MYO1C: variants seen among roughly 807,000 people sequenced by gnomAD.
MYO1C encodes the protein myosin IC.
Under a neutral mutation model 150.8 loss-of-function variants are expected in MYO1C, and 104 were observed. The ratio of observed to expected loss-of-function variants is 0.69; its 90% confidence interval spans 0.59 to 0.81. MYO1C has a LOEUF of 0.81. Ranked by LOEUF, MYO1C falls within the 30% of genes least tolerant of loss-of-function variation. MYO1C has a pLI of 0.00. For missense variants in MYO1C, 1,504 were observed against 1,435.0 expected (o/e 1.05, Z -0.78); for synonymous variants, 663 against 579.9 (o/e 1.14, Z -2.06).
Position 1,470,442 on chromosome 17 carries a change from T to C in MYO1C, c.2359A>G (p.Ile787Val). ...AGGCACCCTGGCGCTCACCGCCGGA[T>C]GGTCTGTGCCGCCCACTTCCTCTTG... ...AAKRKWAAQT[I>V]RRLIRGFVLR... is the part of the protein sequence containing the mutation. The change falls in exon 23 of 32, where the codon ATC becomes GTC. Residue 787 changes from isoleucine (I) to valine (V), a missense_variant. Transcript: ENST00000648651. 1.3e-6 allele frequency: 2 copies of C among 1,550,486 alleles called. No individual in the cohort carries two copies. Among genetic ancestry groups the C allele is most frequent in the Non-Finnish European group, 1.7e-6 (2 of 1,147,022 alleles).
Position 1,484,322 on chromosome 17 carries a change from A to G in MYO1C, c.76-19T>C, listed in dbSNP as rs1390743470. On this transcript the variant is annotated intron_variant, in intron 1 of 31. Coordinates refer to ENST00000648651, the MANE Select transcript of MYO1C (RefSeq NM_001080779.2). ...CCAGGGCCTGCAGAGAATGGGCCAC[A>G]GAAGAGGGTCAGAGTCATCGGGGGC... 1.2e-6 allele frequency: 2 copies of G among 1,607,220 alleles called. No individual in the cohort carries two copies. The highest frequency in any genetic ancestry group is 1.7e-5 in the Admixed American group (1 of 60,008).
At chr17:1,477,696 G>T in intron 13 of MYO1C, 100 bp from the exon 14 acceptor site, 1 of 1,058,062 alleles carries the variant, frequency 9.5e-7, no homozygotes, top group Non-Finnish European at 1.5e-6. Flanking sequence ...CAGGGGAGGG[G>T]CAGATCACAG....
intron 21 of MYO1C, 117 bp downstream of exon 21, chr17:1,470,954 C>T (rs761001048): frequency 4.3e-5 from 50 of 1,173,112 alleles, no homozygotes; most frequent in Non-Finnish European, 5.3e-5. Flanking sequence ...TGGAGCTGGG[C>T]GTGGGGCTGG....
Position 1,470,263 on chromosome 17 carries a change from C to G in MYO1C, c.2438G>C (p.Arg813Pro), listed in dbSNP as rs377675305. ...CCTCAGGTTTAGCAAAAAAGAGGTGCGCACATGGTCCAGGAAGAAGGCGTT... is the reference window on the plus strand; with the variant it reads ...CCTCAGGTTTAGCAAAAAAGAGGTGGGCACATGGTCCAGGAAGAAGGCGTT... Reference protein sequence around the residue: ...PENAFFLDHVRTSFLLNLRRQ... With the variant: ...PENAFFLDHVPTSFLLNLRRQ... The change falls in exon 24 of 32, where the codon CGC (arginine) becomes CCC (proline). Residue 813 changes from arginine (R) to proline (P), a missense_variant. Physicochemically the swap from Arg to Pro is moderately radical, Grantham distance 103. Transcript: ENST00000648651. 9 of 1,603,224 alleles carry G rather than the reference C, an allele frequency of 5.6e-6. No individual in the cohort carries two copies. The highest frequency in any genetic ancestry group is 6.0e-6 in the Non-Finnish European group (7 of 1,175,788).
chr17:1,482,535 G>C lies in MYO1C; in HGVS notation c.570C>G (p.Leu190=). 6.2e-7 allele frequency: 1 copy of C among 1,614,056 alleles called. No homozygotes were observed. The highest frequency in any genetic ancestry group is 1.1e-5 in the South Asian group (1 of 91,082). ...CGAACCTGCTGGAGTTATCGTTCCG[G>C]AGGGTCTTGGCATTTCCAAAGGCCT... The part of the protein sequence containing the change: ...VLEAFGNAKT[L]RNDNSSRFGK... The change falls in exon 5 of 32, where the codon CTC becomes CTG. Residue 190 remains leucine (L), a synonymous_variant. Transcript: ENST00000648651.
chr17:1,481,374 G>A, intron 5 of MYO1C: 1 of 179,218 alleles, frequency 5.6e-6, no homozygotes, highest in Non-Finnish European at 1.2e-5. Flanking sequence ...CACCACACTG[G>A]TCTGAGCCAA....
intron 31 of MYO1C, among the ~76,000 whole-genome samples, chr17:1,466,605 G>C (rs2074176070): frequency 6.6e-6 from 1 of 150,448 alleles, no homozygotes; most frequent in Non-Finnish European, 1.5e-5. Context: ...TGGGATTACA[G>C]GCGTGAGCCA....
chr17:1,472,678 A>T (rs1468989245), intron 17 of MYO1C, among the ~76,000 whole-genome samples: 1 of 152,186 alleles, frequency 6.6e-6, no homozygotes, highest in South Asian at 2.1e-4. Flanking sequence ...GTGTTCCGAG[A>T]GTAGCAGGTG....
intron 14 of MYO1C, chr17:1,477,250 C>T (rs2074418804): frequency 1.9e-6 from 1 of 516,138 alleles, no homozygotes; most frequent in Non-Finnish European, 3.5e-6. Context: ...TTGATCCTAG[C>T]TCACTGCAAC....
rs1272772826 is a variant in MYO1C at position 1,471,253 on chromosome 17, C to T, written c.2105G>A (p.Gly702Asp). ...CATCTTGTACTCTTCTGGCTTGTAG[C>T]CCAGGTGTCGGACCAGCACAGCCAC... ...DGVAVLVRHLGYKPEEYKMGR... is the reference protein window; with the variant it reads ...DGVAVLVRHLDYKPEEYKMGR... The change falls in exon 20 of 32, where the codon GGC becomes GAC. Residue 702 changes from glycine to aspartate, a missense_variant. Physicochemically the swap from Gly to Asp is moderately conservative, Grantham distance 94. Coordinates refer to ENST00000648651, the MANE Select transcript of MYO1C (RefSeq NM_001080779.2). 3.1e-6 allele frequency: 5 copies of T among 1,613,954 alleles called. No homozygotes were observed. In the South Asian group the frequency reaches 4.4e-5, roughly 14 times the overall value.
chr17:1,480,837 G>C lies in MYO1C; in HGVS notation c.676C>G (p.Arg226Gly). 6.2e-7 allele frequency: 1 copy of C among 1,614,160 alleles called. No individual in the cohort carries two copies. Among genetic ancestry groups the C allele is most frequent in the Non-Finnish European group, 8.5e-7 (1 of 1,180,036 alleles). ...HILSYLLEKS[R>G]VVHQNHGERN... is the part of the protein sequence containing the mutation. ...TCCCCATGATTCTGGTGCACCACTC[G>C]TGACTTTTCCAGGAGGTAACTGAGG... The change falls in exon 6 of 32, where the codon CGA (arginine) becomes GGA (glycine). Residue 226 changes from arginine to glycine, a missense_variant. Arg to Gly is a moderately radical substitution (Grantham distance 125). Coordinates refer to ENST00000648651, the MANE Select transcript of MYO1C (RefSeq NM_001080779.2).
chr17:1,477,528 G>C lies in MYO1C; in HGVS notation c.1551C>G (p.Val517=). Residue 517 remains valine, a synonymous_variant, in exon 14 of 32, where the codon GTC becomes GTG. Coordinates refer to ENST00000648651, the MANE Select transcript of MYO1C (RefSeq NM_001080779.2). ...ACGTCAGGAAGTGTGGATGGTGCTT[G>C]ACAGTATCCTCCAGCTTCTCCAGGA... is the stretch of plus-strand genomic sequence containing the variant. ...LTFLEKLEDT[V]KHHPHFLTHK... The C allele has an allele frequency of 1.2e-6, 2 of 1,613,664 alleles. No individual in the cohort carries two copies. Among genetic ancestry groups the C allele is most frequent in the Non-Finnish European group, 1.7e-6 (2 of 1,180,010 alleles).
At chr17:1,481,003 C>T in intron 5 of MYO1C, 118 bp from the exon 6 acceptor site, 5 of 1,136,980 alleles carry the variant, frequency 4.4e-6, no homozygotes, top group Non-Finnish European at 6.4e-6. Flanking sequence ...CAATTCCAGC[C>T]CTGCCACTAG....
chr17:1,485,488 TC>T, intron 1 of MYO1C: 1 of 604,086 alleles, frequency 1.7e-6, no homozygotes, highest in East Asian at 6.8e-5. Flanking sequence ...TTCTCAGGCG[TC>T]CCCGGCGGCT....
intron 5 of MYO1C, among the ~76,000 whole-genome samples, chr17:1,482,160 C>A (rs1057051407): frequency 6.6e-6 from 1 of 152,138 alleles, no homozygotes; most frequent in Non-Finnish European, 1.5e-5. Flanking sequence ...GATCCTCCTG[C>A]CTCAGCCTCC....
chr17:1,469,184 A>C, intron 25 of MYO1C: 3 of 377,042 alleles, frequency 8.0e-6, no homozygotes, highest in South Asian at 6.4e-5. Context: ...CGGGGTAAAT[A>C]CGGTAGGCGG....
rs184202838 is a variant in MYO1C at position 1,487,887 on chromosome 17, C to T, written c.76-3584G>A. ...AGTGAGCCGAGATTGTGCCACTGCACTCCAGCCTGGGCGACAGAGCGAAGC... is the reference window on the plus strand; with the variant it reads ...AGTGAGCCGAGATTGTGCCACTGCATTCCAGCCTGGGCGACAGAGCGAAGC... On this transcript the variant is annotated intron_variant, in intron 1 of 31. Transcript: ENST00000648651. Among the ~76,000 whole-genome samples the T allele has an allele frequency of 5.6e-3, 847 of 152,324 alleles. 3 individuals carry two copies. Among genetic ancestry groups the T allele is most frequent in the Non-Finnish European group, 8.1e-3 (549 of 68,022 alleles).
chr17:1,485,584 C>T lies in MYO1C; in HGVS notation c.76-1281G>A, dbSNP rs1368061877. On this transcript the variant is annotated intron_variant, in intron 1 of 31. Transcript: ENST00000648651. ...CCTGCAACTTCCCGGGACGTTTTTC[C>T]ACCCGGAATTCCTGGGCCGCGCCCG... 6.8e-6 allele frequency: 6 copies of T among 879,104 alleles called. No homozygotes were observed. In the African/African-American group the frequency reaches 1.1e-4, roughly 16 times the overall value. 54.5% of individuals were successfully genotyped at this position (879,104 alleles called of 1,614,324 possible).
At position 1,467,825 on chromosome 17, in the gene MYO1C, T is replaced by TCCCCCACCACTCCTCC. The variant is rs753901364; in HGVS notation, c.2967+14_2967+15insGGAGGAGTGGTGGGGG. 2 of 1,458,210 alleles carry TCCCCCACCACTCCTCC rather than the reference T, an allele frequency of 1.4e-6. No individual in the cohort carries two copies. Among genetic ancestry groups the TCCCCCACCACTCCTCC allele is most frequent in the African/African-American group, 1.6e-5 (1 of 63,876 alleles). The allele number at this position is 1,458,210 out of a possible 1,614,324, so 90.3% of individuals were successfully genotyped here. On this transcript the variant is annotated intron_variant, in intron 29 of 31. Transcript: ENST00000648651. ...CCCCATCCCCCACCACTCCTCCCCA[T>TCCCCCACCACTCCTCC]CCATGAAAAGGCACCTTTTGCTTAT... is the stretch of plus-strand genomic sequence containing the variant.
Sources: gnomAD v4.1 joint callset for allele counts (sites outside exome capture counted in the v4.1 genomes callset) on GRCh38, gnomAD v4.1.1 for gene constraint, MANE v1.5 for transcripts, NCBI Gene and HGNC (gene_info 2026-07-23, HGNC 2026-07-21) for gene names.